Variants in SMIM7 observed in about 807,000 individuals in gnomAD.
The protein encoded by SMIM7 is small integral membrane protein 7, also known as UPF0608 protein C19orf42.
In SMIM7, 12 loss-of-function variants were observed where a neutral mutation model predicts 13.3. The ratio of observed to expected loss-of-function variants is 0.90; its 90% CI spans 0.58 to 1.46. The LOEUF is 1.46. Ranked by LOEUF, SMIM7 falls within the 40% of genes most tolerant of loss-of-function variation. The pLI, the probability that SMIM7 is intolerant of heterozygous loss-of-function variation, is 0.00. For missense variants in SMIM7, 114 were observed against 94.8 expected (o/e 1.20, Z -0.84); for synonymous variants, 36 against 35.8 (o/e 1.01, Z -0.02).
intron 4 of SMIM7, among the ~76,000 whole-genome samples, chr19:16,632,535 A>ACTT (rs2086329560): frequency 7.9e-6 from 1 of 126,972 alleles, no homozygotes. Context: ...AACTGTGAAC[A>ACTT]TTTTTTTTTT....
chr19:16,659,338 A>G (rs1312531910), intron 3 of SMIM7, 57 bp downstream of exon 3: 1 of 1,517,988 alleles, frequency 6.6e-7, no homozygotes, highest in East Asian at 2.3e-5. Context: ...GGGCTTGGCG[A>G]AACAGAACTG....
chr19:16,656,889 G>A (rs1286291869), intron 3 of SMIM7, among the ~76,000 whole-genome samples: 1 of 150,820 alleles, frequency 6.6e-6, no homozygotes. Context: ...ACAGAGAGAG[G>A]CTCCATCTCA....
chr19:16,639,392 G>A (rs569936831), intron 4 of SMIM7, among the ~76,000 whole-genome samples: 5 of 152,296 alleles, frequency 3.3e-5, no homozygotes, highest in African/African-American at 4.8e-5. Flanking sequence ...AAAGTGCTGG[G>A]ATTACAGGCG....
intron 4 of SMIM7, among the ~76,000 whole-genome samples, chr19:16,638,464 C>G (rs924671492): frequency 5.3e-5 from 8 of 151,306 alleles, no homozygotes; most frequent in Admixed American, 5.3e-4. Context: ...CCACCATGCC[C>G]GGCTAATTTT....
chr19:16,642,458 G>A (rs186588162), downstream of SMIM7, among the ~76,000 whole-genome samples: 2 of 152,240 alleles, frequency 1.3e-5, no homozygotes, highest in Non-Finnish European at 2.9e-5. Context: ...GCTGAGGCAT[G>A]AGAATTGCTT....
At chr19:16,639,037 G>C (rs1371367950) in intron 4 of SMIM7, 3 of 151,784 alleles carry the variant, frequency 2.0e-5, no homozygotes, top group Non-Finnish European at 2.9e-5. Flanking sequence ...ACACTCTTTT[G>C]CCTAGGTTTA....
chr19:16,649,200 G>A (rs1476672320), intron 4 of SMIM7, among the ~76,000 whole-genome samples: 1 of 151,980 alleles, frequency 6.6e-6, no homozygotes, highest in East Asian at 1.9e-4. Context: ...AACACAGGTC[G>A]GCTTTAATCT....
intron 4 of SMIM7, chr19:16,639,894 G>A (rs1320514705): frequency 6.6e-6 from 1 of 151,928 alleles, no homozygotes; most frequent in Non-Finnish European, 1.5e-5. Context: ...ATAACTGTGA[G>A]TCAATTAAAC....
chr19:16,658,675 T>G (rs2086627464), intron 3 of SMIM7, among the ~76,000 whole-genome samples: 1 of 152,190 alleles, frequency 6.6e-6, no homozygotes, highest in South Asian at 2.1e-4. Flanking sequence ...GCATCTAATT[T>G]TAAAAGTGGC....
At chr19:16,656,087 A>G (rs1384625667) in intron 3 of SMIM7, among the ~76,000 whole-genome samples, 8 of 152,190 alleles carry the variant, frequency 5.3e-5, no homozygotes, top group Non-Finnish European at 8.8e-5. Flanking sequence ...GATGCCAATC[A>G]AACGTTACTC....
Position 16,659,726 on chromosome 19 carries a change from C to T in SMIM7, c.68+233G>A, listed in dbSNP as rs2086647728. On this transcript the variant is annotated intron_variant, in intron 2 of 4. Coordinates refer to ENST00000487416, the MANE Select transcript of SMIM7 (RefSeq NM_024104.4). The stretch of plus-strand genomic sequence containing the variant: ...TATTTCTTGGGGGATGGGGCTTAAG[C>T]TCTCCAGGAAGGTGAACAGAGGGAC... 44 of 662,118 alleles carry T rather than the reference C, an allele frequency of 6.6e-5. 1 individual carries two copies. In the South Asian group the frequency reaches 7.3e-4, roughly 11 times the overall value. 41.0% of individuals were successfully genotyped at this position (662,118 alleles called of 1,614,324 possible).
chr19:16,651,715 G>C (rs2086528427), intron 4 of SMIM7, among the ~76,000 whole-genome samples: 1 of 151,668 alleles, frequency 6.6e-6, no homozygotes, highest in African/African-American at 2.4e-5. Flanking sequence ...GAACCATGCT[G>C]ACTTCTTCCC....
chr19:16,658,326 G>A (rs183446102), intron 3 of SMIM7, among the ~76,000 whole-genome samples: 1 of 152,322 alleles, frequency 6.6e-6, no homozygotes, highest in East Asian at 1.9e-4. Flanking sequence ...GCCAGCATGC[G>A]TTAGGTACTC....
chr19:16,641,774 T>C (rs984242805), downstream of SMIM7, among the ~76,000 whole-genome samples: 1 of 152,194 alleles, frequency 6.6e-6, no homozygotes, highest in Admixed American at 6.5e-5. Context: ...AGTTTTTGTA[T>C]TTTTAGTAGA....
chr19:16,637,919 GA>G (rs1046616551), intron 4 of SMIM7, among the ~76,000 whole-genome samples: 1 of 152,170 alleles, frequency 6.6e-6, no homozygotes, highest in African/African-American at 2.4e-5. Context: ...GGGCCTTTGG[GA>G]GGTAATTAAG....
intron 4 of SMIM7, chr19:16,652,843 T>G (rs2086545780): frequency 6.5e-7 from 1 of 1,549,766 alleles, no homozygotes; most frequent in African/African-American, 1.4e-5. Flanking sequence ...AACACCAGAT[T>G]CTCCCGTCGT....
chr19:16,652,981 C>G (rs923913719), intron 4 of SMIM7: 3 of 1,549,484 alleles, frequency 1.9e-6, no homozygotes, highest in African/African-American at 1.4e-5. Flanking sequence ...AAATGAAAAG[C>G]CAGAATTTAA....
intron 3 of SMIM7, among the ~76,000 whole-genome samples, chr19:16,658,476 C>T (rs937866878): frequency 1.3e-5 from 2 of 152,160 alleles, no homozygotes; most frequent in African/African-American, 4.8e-5. Context: ...AGATGATAGA[C>T]ATATGAAGGG....
intron 4 of SMIM7, among the ~76,000 whole-genome samples, chr19:16,651,901 A>G (rs1210363043): frequency 6.8e-6 from 1 of 146,558 alleles, no homozygotes; most frequent in East Asian, 2.1e-4. Flanking sequence ...GGACCTTTGC[A>G]AAGACGAGAA....
Sources: gnomAD v4.1 joint callset for allele counts (sites outside exome capture counted in the v4.1 genomes callset) on GRCh38, gnomAD v4.1.1 for gene constraint, MANE v1.5 for transcripts, NCBI Gene and HGNC (gene_info 2026-07-23, HGNC 2026-07-21) for gene names.